Variants in ELOVL5 observed in about 807,000 individuals in gnomAD.
The protein encoded by ELOVL5 is ELOVL fatty acid elongase 5.
A neutral mutation model predicts 38.6 loss-of-function variants in ELOVL5; 8 were observed. That is an observed-to-expected ratio of 0.21 (90% confidence interval 0.12 to 0.37). ELOVL5 has a LOEUF of 0.37. Ranked by LOEUF, ELOVL5 falls within the 10% of genes least tolerant of loss-of-function variation. ELOVL5 has a pLI of 1.00. For synonymous variants in ELOVL5, 127 were observed against 133.7 expected (o/e 0.95, Z 0.34); for missense variants, 280 against 367.8 (o/e 0.76, Z 1.95).
chr6:53,304,381 T>TA (rs567919232), intron 1 of ELOVL5, among the ~76,000 whole-genome samples: 2 of 152,190 alleles, frequency 1.3e-5, no homozygotes, highest in South Asian at 4.1e-4. Flanking sequence ...TGTGAGCCCA[T>TA]AAAAAACAAA....
intron 1 of ELOVL5, among the ~76,000 whole-genome samples, chr6:53,343,812 T>A (rs1261523101): frequency 6.6e-6 from 1 of 152,224 alleles, no homozygotes; most frequent in Non-Finnish European, 1.5e-5. Context: ...TGTACTTTAC[T>A]ATAAACCTGT....
At chr6:53,335,201 C>T (rs758368735) in intron 1 of ELOVL5, among the ~76,000 whole-genome samples, 5 of 152,210 alleles carry the variant, frequency 3.3e-5, no homozygotes, top group Non-Finnish European at 5.9e-5. Flanking sequence ...TATTTCCTGC[C>T]TCTAGTCTTG....
intron 1 of ELOVL5, among the ~76,000 whole-genome samples, chr6:53,341,450 C>T (rs1317979058): frequency 6.6e-6 from 1 of 152,160 alleles, no homozygotes; most frequent in African/African-American, 2.4e-5. Flanking sequence ...GCCAATCTGC[C>T]TGGGTTTGAA....
At chr6:53,280,350 T>C (rs951600504) in intron 3 of ELOVL5, among the ~76,000 whole-genome samples, 4 of 152,216 alleles carry the variant, frequency 2.6e-5, no homozygotes, top group African/African-American at 9.6e-5. Context: ...TGCAGGCTTT[T>C]TTCTGAGGAA....
At chr6:53,339,698 T>A (rs1769240509) in intron 1 of ELOVL5, among the ~76,000 whole-genome samples, 1 of 152,210 alleles carries the variant, frequency 6.6e-6, no homozygotes, top group Non-Finnish European at 1.5e-5. Context: ...TGTAACAGTA[T>A]CACACATAAA....
intron 1 of ELOVL5, among the ~76,000 whole-genome samples, chr6:53,310,184 G>A (rs1767772492): frequency 6.6e-6 from 1 of 152,154 alleles, no homozygotes; most frequent in South Asian, 2.1e-4. Context: ...CTGGAACTGG[G>A]AAGAGAAGTG....
At position 53,348,871 on chromosome 6, in the gene ELOVL5, G is replaced by A. The variant is rs970434701; in HGVS notation, c.-63C>T. 1 of 457,046 alleles carries A rather than the reference G, an allele frequency of 2.2e-6. No individual in the cohort carries two copies. The allele number at this position is 457,046 out of a possible 1,614,324, so 28.3% of individuals were successfully genotyped here. ...GAGCAGCAGCAAGGCGGCGGCGGCGGAGGGAGCGCGGGTGGCAGCCGGCGC... is the reference window on the plus strand; with the variant it reads ...GAGCAGCAGCAAGGCGGCGGCGGCGAAGGGAGCGCGGGTGGCAGCCGGCGC... On this transcript the variant is annotated 5_prime_UTR_variant, in exon 1 of 8. Transcript: ENST00000304434.
chr6:53,303,363 C>T (rs528853054), intron 1 of ELOVL5, among the ~76,000 whole-genome samples: 7 of 152,202 alleles, frequency 4.6e-5, no homozygotes, highest in African/African-American at 1.4e-4. Flanking sequence ...AAATATCTAC[C>T]GCACCAACAG....
chr6:53,336,127 T>A (rs747728559), intron 1 of ELOVL5, among the ~76,000 whole-genome samples: 4 of 152,254 alleles, frequency 2.6e-5, no homozygotes, highest in Non-Finnish European at 4.4e-5. Flanking sequence ...ATAAACTACC[T>A]GTTGATTCGA....
At chr6:53,269,345 C>A in intron 7 of ELOVL5, 75 bp from the exon 8 acceptor site, 1 of 1,215,236 alleles carries the variant, frequency 8.2e-7, no homozygotes, top group East Asian at 2.6e-5. Flanking sequence ...AGAATTGCAT[C>A]CCTAACACTA....
chr6:53,348,251 T>C (rs1769659952), intron 1 of ELOVL5, among the ~76,000 whole-genome samples: 1 of 152,038 alleles, frequency 6.6e-6, no homozygotes, highest in African/African-American at 2.4e-5. Flanking sequence ...TCCGCAGGGT[T>C]AACGGAAGCG....
At chr6:53,325,049 G>A (rs1416647698) in intron 1 of ELOVL5, among the ~76,000 whole-genome samples, 1 of 152,156 alleles carries the variant, frequency 6.6e-6, no homozygotes, top group African/African-American at 2.4e-5. Flanking sequence ...AGGTAGAAAA[G>A]CACTGTGCTA....
rs148449664 is a variant in ELOVL5, at chr6:53,322,480, T to C, written c.-9+26337A>G. Among the ~76,000 whole-genome samples, 213 of 152,284 alleles carry C rather than the reference T, an allele frequency of 1.4e-3. 2 individuals carry two copies. In the East Asian group the frequency reaches 0.035, roughly 25 times the overall value. On this transcript the variant is annotated intron_variant, in intron 1 of 7. Coordinates refer to ENST00000304434, the MANE Select transcript of ELOVL5 (RefSeq NM_021814.5). Reference sequence around the variant, plus strand: ...CCATGCGGAGGCACTAAGTGAGCAGTTGGAAAAATATTTTTACTTGCTCAC... The same window carrying C: ...CCATGCGGAGGCACTAAGTGAGCAGCTGGAAAAATATTTTTACTTGCTCAC...
At chr6:53,271,924 G>A (rs887043218) in intron 6 of ELOVL5, among the ~76,000 whole-genome samples, 2 of 152,130 alleles carry the variant, frequency 1.3e-5, no homozygotes, top group African/African-American at 4.8e-5. Flanking sequence ...TTCTGCTTCC[G>A]CCAGACCCAA....
chr6:53,346,937 C>T (rs1249566131), intron 1 of ELOVL5, among the ~76,000 whole-genome samples: 5 of 152,198 alleles, frequency 3.3e-5, no homozygotes, highest in Non-Finnish European at 7.3e-5. Flanking sequence ...CATTTTCAAA[C>T]CACCATTTGG....
intron 1 of ELOVL5, among the ~76,000 whole-genome samples, chr6:53,310,394 A>G (rs1767781550): frequency 6.6e-6 from 1 of 151,584 alleles, no homozygotes; most frequent in Admixed American, 6.6e-5. Context: ...CTCTAGGTTT[A>G]TATGGCTTAG....
At chr6:53,348,654 G>A (rs141668552) in intron 1 of ELOVL5, among the ~76,000 whole-genome samples, 163 bp downstream of exon 1, 1,797 of 152,330 alleles carry the variant, frequency 0.012, 27 homozygotes, top group African/African-American at 0.04. Flanking sequence ...CGGCGGAGCT[G>A]GAGGCCGCGG....
intron 3 of ELOVL5, among the ~76,000 whole-genome samples, chr6:53,277,989 G>A (rs1766204870): frequency 1.3e-5 from 2 of 152,208 alleles, no homozygotes; most frequent in African/African-American, 2.4e-5. Flanking sequence ...GAAAAATAAG[G>A]ACAACGCAGT....
chr6:53,280,800 G>C (rs1317426740), intron 3 of ELOVL5, among the ~76,000 whole-genome samples: 1 of 152,144 alleles, frequency 6.6e-6, no homozygotes, highest in Non-Finnish European at 1.5e-5. Flanking sequence ...TCACCATGTT[G>C]CGCAGGCTGG....
Sources: allele counts gnomAD v4.1 joint callset (sites outside exome capture counted in the v4.1 genomes callset), GRCh38; gene constraint gnomAD v4.1.1; transcripts MANE v1.5; gene names NCBI Gene and HGNC (gene_info 2026-07-23, HGNC 2026-07-21).